The following ARMC3 variants were observed in gnomAD, a reference collection of about 807,000 sequenced individuals.
ARMC3 encodes the protein armadillo repeat-containing protein 3.
ARMC3 carries 74 observed loss-of-function variants against 90.3 expected under a neutral mutation model. The ratio of observed to expected loss-of-function variants is 0.82; its 90% CI spans 0.68 to 0.99. ARMC3 has a LOEUF of 0.99. Among genes scored for constraint, ARMC3 ranks in the 50% least tolerant of loss-of-function variants. ARMC3 has a pLI of 0.00. For missense variants in ARMC3, 958 were observed against 1,042.8 expected, an observed-to-expected ratio of 0.92 and a Z score of 1.12; for synonymous variants, 334 against 361.8, an observed-to-expected ratio of 0.92 and a Z score of 0.87.
chr10:22,990,531 C>T (rs1283290513), intron 10 of ARMC3, among the ~76,000 whole-genome samples: 1 of 152,130 alleles, frequency 6.6e-6, no homozygotes. Context: ...AGTTATCGGC[C>T]AGGTATTAAG....
At chr10:22,977,615 G>A (rs922178751) in intron 8 of ARMC3, among the ~76,000 whole-genome samples, 5 of 152,098 alleles carry the variant, frequency 3.3e-5, no homozygotes, top group Admixed American at 6.6e-5. Context: ...CATCCCTTCT[G>A]ACATAGCCTC....
intron 18 of ARMC3, 124 bp from the exon 19 acceptor site, chr10:23,037,146 T>C (rs911386536): frequency 1.2e-6 from 1 of 853,458 alleles, no homozygotes; most frequent in African/African-American, 1.7e-5. Flanking sequence ...TTCAGCCTCC[T>C]ATCTAAACAT....
At chr10:22,998,007 T>A in intron 10 of ARMC3, 141 bp from the exon 11 acceptor site, 1 of 1,002,854 alleles carries the variant, frequency 1.0e-6, no homozygotes, top group Non-Finnish European at 1.4e-6. Flanking sequence ...AGCACTCAAT[T>A]CTGGGTTCAT....
In ARMC3 at chr10:23,026,530, A is replaced by G. The variant is rs145047911; in HGVS notation, c.2046-4066A>G. 3.6e-3 allele frequency among the ~76,000 whole-genome samples: 545 copies of G among 152,256 alleles called. 3 individuals are homozygous for G. Among genetic ancestry groups the G allele is most frequent in the African/African-American group, 0.012 (516 of 41,572 alleles). ...GAAAAAGCATTTGGCAAAATTCAAC[A>G]TCTACTTATGATGTTGATAGGATAA... On this transcript the variant is annotated intron_variant, in intron 16 of 18. Coordinates refer to ENST00000298032, the MANE Select transcript of ARMC3 (RefSeq NM_173081.5).
chr10:22,932,762 A>G (rs546700454), intron 2 of ARMC3, among the ~76,000 whole-genome samples: 5 of 152,244 alleles, frequency 3.3e-5, no homozygotes, highest in Non-Finnish European at 7.3e-5. Context: ...AGCAATTTCA[A>G]ATTTGAAGGA....
At chr10:22,981,104 C>T (rs985757109) in intron 8 of ARMC3, among the ~76,000 whole-genome samples, 1 of 152,202 alleles carries the variant, frequency 6.6e-6, no homozygotes, top group African/African-American at 2.4e-5. Flanking sequence ...CTAGTACAGA[C>T]TTTCCTTGGC....
chr10:23,006,728 C>T lies in ARMC3; in HGVS notation c.1732-156C>T, dbSNP rs371456431. 5.2e-5 allele frequency: 32 copies of T among 611,374 alleles called. No homozygotes were observed. In the African/African-American group the frequency reaches 5.6e-4, roughly 11 times the overall value. 37.9% of individuals were successfully genotyped at this position (611,374 alleles called of 1,614,324 possible). ...CAAGAACATCCACAAGCTTCAGGTT[C>T]CTATTTCTAATTTTATATATGTATA... is the stretch of plus-strand genomic sequence containing the variant. On this transcript the variant is annotated intron_variant, in intron 13 of 18. Transcript: ENST00000298032.
At chr10:22,928,488 A>T (rs1296425396) in intron 1 of ARMC3, among the ~76,000 whole-genome samples, 1 of 152,194 alleles carries the variant, frequency 6.6e-6, no homozygotes, top group Non-Finnish European at 1.5e-5. Context: ...TTCACGAAGA[A>T]CAAATACAAA....
intron 17 of ARMC3, among the ~76,000 whole-genome samples, chr10:23,031,793 C>T (rs1398844838): frequency 6.6e-6 from 1 of 152,100 alleles, no homozygotes; most frequent in Non-Finnish European, 1.5e-5. Context: ...AGAGATATGT[C>T]CCCATGGCTC....
At chr10:22,937,915 A>G (rs1834174596) in intron 2 of ARMC3, among the ~76,000 whole-genome samples, 1 of 152,238 alleles carries the variant, frequency 6.6e-6, no homozygotes, top group Non-Finnish European at 1.5e-5. Context: ...GGACAAATAT[A>G]GAGTGCCTAC....
At chr10:22,979,126 A>T (rs1297071569) in intron 8 of ARMC3, among the ~76,000 whole-genome samples, 3 of 152,218 alleles carry the variant, frequency 2.0e-5, no homozygotes, top group Non-Finnish European at 4.4e-5. Context: ...CTGAGAATGG[A>T]TGAAGGAAAG....
rs150005116 is a variant in ARMC3 at position 22,972,357 on chromosome 10, T to A, written c.916+3868T>A. On this transcript the variant is annotated intron_variant, in intron 8 of 18. Transcript: ENST00000298032. The stretch of plus-strand genomic sequence containing the variant: ...GATCCATTTTGAGTTTATTTTTATA[T>A]AGGGTATAAAATTATGGTCCCAGTT... 2.6e-5 allele frequency among the ~76,000 whole-genome samples: 4 copies of A among 152,328 alleles called. No homozygotes were observed. The East Asian group carries it at 7.7e-4, about 29-fold the overall frequency.
chr10:22,974,428 GT>G, intron 8 of ARMC3, among the ~76,000 whole-genome samples: 1 of 152,006 alleles, frequency 6.6e-6, no homozygotes, highest in East Asian at 1.9e-4. Context: ...CTGACATCAT[GT>G]TTTATGTTTT....
rs371581819 is a variant in ARMC3, at chr10:23,007,771, T to C, written c.1830-505T>C. 3.3e-5 allele frequency among the ~76,000 whole-genome samples: 5 copies of C among 152,116 alleles called. No individual in the cohort carries two copies. The South Asian group carries it at 6.2e-4, about 19-fold the overall frequency. On this transcript the variant is annotated intron_variant, in intron 14 of 18. Transcript: ENST00000298032. ...ATATATCCATATAGTAGTTATGTGA[T>C]ACATTTTATACAAATAATTTCTGTT...
intron 18 of ARMC3, 87 bp from the exon 19 acceptor site, chr10:23,037,183 C>T: frequency 8.1e-6 from 10 of 1,231,814 alleles, no homozygotes; most frequent in Non-Finnish European, 1.1e-5. Context: ...TGTATTTCAC[C>T]TTCAATCAAG....
At chr10:23,014,571 C>A in intron 16 of ARMC3, 1 of 860,262 alleles carries the variant, frequency 1.2e-6, no homozygotes, top group Non-Finnish European at 1.4e-6. Flanking sequence ...CAATGATCGA[C>A]TGGATAAAGA....
chr10:23,009,498 G>GTTTTT (rs1298902874), intron 16 of ARMC3, among the ~76,000 whole-genome samples: 1 of 152,124 alleles, frequency 6.6e-6, no homozygotes, highest in Non-Finnish European at 1.5e-5. Context: ...GTTTTGTTTT[G>GTTTTT]TTTTGTTTTC....
intron 3 of ARMC3, among the ~76,000 whole-genome samples, chr10:22,947,053 C>A (rs937881783): frequency 1.3e-5 from 2 of 151,958 alleles, no homozygotes; most frequent in African/African-American, 4.8e-5. Context: ...TGCTTTTAGT[C>A]CCAGCTACTC....
chr10:23,029,828 G>A (rs952257521), intron 16 of ARMC3, among the ~76,000 whole-genome samples: 3 of 152,068 alleles, frequency 2.0e-5, no homozygotes, highest in Admixed American at 6.5e-5. Flanking sequence ...GTTCTTGTAC[G>A]TCATGGAGAT....
Sources: allele counts gnomAD v4.1 joint callset (sites outside exome capture counted in the v4.1 genomes callset), GRCh38; gene constraint gnomAD v4.1.1; transcripts MANE v1.5; gene names NCBI Gene and HGNC (gene_info 2026-07-23, HGNC 2026-07-21).